Variants in ZBTB20 observed in about 807,000 individuals in gnomAD.
ZBTB20 encodes the protein zinc finger and BTB domain containing 20.
A neutral mutation model predicts 56.9 loss-of-function variants in ZBTB20; 9 were observed. The observed-to-expected ratio is 0.16, with a 90% CI of 0.10 to 0.28. The LOEUF (loss-of-function observed/expected upper bound fraction) is 0.28, where lower values mean the gene tolerates loss of function less well. Ranked by LOEUF, ZBTB20 falls within the 10% of genes least tolerant of loss-of-function variation. The probability of loss-of-function intolerance (pLI) is 1.00; values close to 1 mark genes in which losing one functional copy is unlikely to be tolerated. For synonymous variants in ZBTB20, 417 were observed against 420.7 expected (o/e 0.99, Z 0.11); for missense variants, 655 against 1,003.0 (o/e 0.65, Z 4.69).
At chr3:114,579,957 A>T (rs2054476986) in intron 6 of ZBTB20, among the ~76,000 whole-genome samples, 1 of 151,868 alleles carries the variant, frequency 6.6e-6, no homozygotes, top group South Asian at 2.1e-4. Context: ...ACAAATACTC[A>T]GAATAAAAAA....
At chr3:114,415,341 T>C (rs1360313651) in intron 7 of ZBTB20, among the ~76,000 whole-genome samples, 1 of 152,108 alleles carries the variant, frequency 6.6e-6, no homozygotes, top group African/African-American at 2.4e-5. Context: ...AAGGGGCATA[T>C]AGGGATGGAA....
intron 5 of ZBTB20, among the ~76,000 whole-genome samples, chr3:114,741,394 A>C (rs1309798365): frequency 1.3e-5 from 2 of 152,204 alleles, no homozygotes; most frequent in African/African-American, 2.4e-5. Flanking sequence ...CCACCCAAAA[A>C]CATAATTTCT....
chr3:114,537,696 T>C (rs1482671839), intron 6 of ZBTB20, among the ~76,000 whole-genome samples: 1 of 152,164 alleles, frequency 6.6e-6, no homozygotes, highest in African/African-American at 2.4e-5. Context: ...TGTATGTTTA[T>C]TGCAGCACTA....
intron 1 of ZBTB20, among the ~76,000 whole-genome samples, chr3:115,131,914 T>G (rs1351248185): frequency 6.6e-6 from 1 of 152,220 alleles, no homozygotes; most frequent in Admixed American, 6.5e-5. Context: ...CTATTATGTA[T>G]GCCTAGGCCA....
chr3:114,787,413 G>A (rs553824499), intron 5 of ZBTB20, among the ~76,000 whole-genome samples: 45 of 137,152 alleles, frequency 3.3e-4, no homozygotes, highest in African/African-American at 1.3e-3. Flanking sequence ...ATATATATAC[G>A]TGTGTACACA....
At chr3:114,399,386 T>G (rs943682044) in intron 7 of ZBTB20, among the ~76,000 whole-genome samples, 44 of 152,192 alleles carry the variant, frequency 2.9e-4, no homozygotes, top group African/African-American at 8.0e-4. Flanking sequence ...AGGTATAGCT[T>G]GTATTATTTA....
chr3:114,716,532 A>AC (rs1465599920), intron 5 of ZBTB20, among the ~76,000 whole-genome samples: 1 of 152,054 alleles, frequency 6.6e-6, no homozygotes, highest in Non-Finnish European at 1.5e-5. Flanking sequence ...CAACACTTGT[A>AC]CCCCTCCTGT....
At chr3:114,793,859 T>A (rs2071157670) in intron 5 of ZBTB20, among the ~76,000 whole-genome samples, 1 of 152,054 alleles carries the variant, frequency 6.6e-6, no homozygotes, top group Admixed American at 6.6e-5. Context: ...ATGACATCAA[T>A]CTACAGTCAA....
intron 7 of ZBTB20, among the ~76,000 whole-genome samples, chr3:114,401,798 A>G (rs1360445933): frequency 1.3e-5 from 2 of 152,198 alleles, no homozygotes; most frequent in Non-Finnish European, 2.9e-5. Flanking sequence ...TTGAAAAATC[A>G]CAAAGGTAGG....
chr3:114,785,971 T>C (rs1228566532), intron 5 of ZBTB20, among the ~76,000 whole-genome samples: 1 of 152,174 alleles, frequency 6.6e-6, no homozygotes, highest in African/African-American at 2.4e-5. Context: ...CATTTTATTC[T>C]TTACACTTTT....
At chr3:114,643,389 G>A (rs1437572905) in intron 6 of ZBTB20, among the ~76,000 whole-genome samples, 4 of 152,076 alleles carry the variant, frequency 2.6e-5, no homozygotes, top group African/African-American at 9.7e-5. Flanking sequence ...ACCCTCTGAT[G>A]AAAATCCCTT....
rs953605169 is a variant in ZBTB20 at position 114,322,926 on chromosome 3, A to T, written c.*16079T>A. ...CCTCAATTGAGAATTTTCCAAATTGATGCCCCATATGTGACAGTGTTCAGA... is the reference window on the plus strand; with the variant it reads ...CCTCAATTGAGAATTTTCCAAATTGTTGCCCCATATGTGACAGTGTTCAGA... On this transcript the variant is annotated 3_prime_UTR_variant, in exon 12 of 12. Transcript: ENST00000675478. 6.6e-6 allele frequency: 1 copy of T among 152,202 alleles called. No homozygotes were observed. Among genetic ancestry groups the T allele is most frequent in the African/African-American group, 2.4e-5 (1 of 41,460 alleles). The allele number at this position is 152,202 out of a possible 1,614,324, so 9.4% of individuals were successfully genotyped here.
At chr3:114,981,241 C>A (rs1560459736) in intron 2 of ZBTB20, among the ~76,000 whole-genome samples, 1 of 151,876 alleles carries the variant, frequency 6.6e-6, no homozygotes, top group Non-Finnish European at 1.5e-5. Flanking sequence ...TACAGTAACC[C>A]CCAGGACAAA....
Position 114,389,387 on chromosome 3 carries a change from C to T in ZBTB20, c.-254-282G>A, listed in dbSNP as rs372440788. Among the ~76,000 whole-genome samples, 17 of 152,182 alleles carry T rather than the reference C, an allele frequency of 1.1e-4. No individual in the cohort carries two copies. The East Asian group carries it at 3.1e-3, about 28-fold the overall frequency. ...TGATTTTGTGGTTCTGACTTAGAAG[C>T]TGAGTTGTGGGTGACAGTGGGGGAA... On this transcript the variant is annotated intron_variant, in intron 7 of 11. Coordinates refer to ENST00000675478, the MANE Select transcript of ZBTB20 (RefSeq NM_001348800.3).
chr3:114,971,080 C>T (rs2108030980), intron 3 of ZBTB20, among the ~76,000 whole-genome samples: 1 of 151,782 alleles, frequency 6.6e-6, no homozygotes. Context: ...ACATATGGTA[C>T]AATTATGAGT....
At chr3:115,081,087 CTG>C (rs1396999372) in intron 1 of ZBTB20, among the ~76,000 whole-genome samples, 6 of 152,132 alleles carry the variant, frequency 3.9e-5, no homozygotes, top group African/African-American at 1.4e-4. Flanking sequence ...ACTGGGAAAA[CTG>C]TTTCTAATTA....
chr3:114,679,075 G>C (rs1308542917), intron 6 of ZBTB20, among the ~76,000 whole-genome samples: 1 of 152,146 alleles, frequency 6.6e-6, no homozygotes, highest in Non-Finnish European at 1.5e-5. Flanking sequence ...AAACTGGCTA[G>C]TCATATGCAG....
chr3:115,010,814 CAATG>C (rs1472318252), intron 2 of ZBTB20, among the ~76,000 whole-genome samples: 5 of 151,876 alleles, frequency 3.3e-5, no homozygotes, highest in African/African-American at 4.8e-5. Context: ...CACCAGGGAC[CAATG>C]CTGGAGAAGC....
At chr3:114,639,033 C>T (rs76598964) in intron 6 of ZBTB20, among the ~76,000 whole-genome samples, 1,560 of 152,132 alleles carry the variant, frequency 0.01, 21 homozygotes, top group African/African-American at 0.035. Flanking sequence ...TGATTCACCC[C>T]AATGCTACAG....
Sources: gnomAD v4.1 joint callset for allele counts (sites outside exome capture counted in the v4.1 genomes callset) on GRCh38, gnomAD v4.1.1 for gene constraint, MANE v1.5 for transcripts, NCBI Gene and HGNC (gene_info 2026-07-23, HGNC 2026-07-21) for gene names.